The following NAALAD2 variants were observed in gnomAD, a reference collection of about 807,000 sequenced individuals.
NAALAD2 encodes N-acetylated alpha-linked acidic dipeptidase 2.
Under a neutral mutation model 95.6 loss-of-function variants are expected in NAALAD2, and 89 were observed. The ratio of observed to expected loss-of-function variants is 0.93; its 90% CI spans 0.78 to 1.11. The LOEUF is 1.11. NAALAD2 is among the 50% of genes least tolerant of loss of function. The pLI is 0.00. For missense variants in NAALAD2, 894 were observed against 872.4 expected (o/e 1.02, Z -0.31); for synonymous variants, 264 against 294.4 (o/e 0.90, Z 1.06).
intron 14 of NAALAD2, among the ~76,000 whole-genome samples, chr11:90,175,031 G>T (rs956261179): frequency 6.6e-6 from 1 of 151,884 alleles, no homozygotes. Flanking sequence ...TTAGACTTGG[G>T]CCCCATCCCC....
At chr11:90,160,197 A>C (rs1424293254) in intron 8 of NAALAD2, among the ~76,000 whole-genome samples, 6 of 152,196 alleles carry the variant, frequency 3.9e-5, no homozygotes, top group Admixed American at 3.9e-4. Flanking sequence ...TATTGAGCTT[A>C]GTCTTACAGA....
At chr11:90,140,812 T>G (rs1951592610) in intron 2 of NAALAD2, among the ~76,000 whole-genome samples, 1 of 152,152 alleles carries the variant, frequency 6.6e-6, no homozygotes. Context: ...CAATTTTGTC[T>G]TCTTTTTTCC....
At chr11:90,142,437 GTC>G (rs1444137348) in intron 2 of NAALAD2, among the ~76,000 whole-genome samples, 4 of 151,968 alleles carry the variant, frequency 2.6e-5, no homozygotes, top group African/African-American at 9.7e-5. Context: ...ATCTTTTTAA[GTC>G]TATTTTATTT....
chr11:90,167,196 G>A (rs887834229), intron 11 of NAALAD2, among the ~76,000 whole-genome samples: 1 of 152,200 alleles, frequency 6.6e-6, no homozygotes, highest in Non-Finnish European at 1.5e-5. Context: ...TGGAGGGAAG[G>A]AGCGGGCGGG....
intron 14 of NAALAD2, among the ~76,000 whole-genome samples, chr11:90,174,652 T>G (rs1404207531): frequency 6.6e-6 from 1 of 151,996 alleles, no homozygotes; most frequent in African/African-American, 2.4e-5. Context: ...TTAGAATTTA[T>G]ATAAATATTA....
chr11:90,180,894 T>A (rs2134979752), intron 16 of NAALAD2, among the ~76,000 whole-genome samples: 1 of 152,230 alleles, frequency 6.6e-6, no homozygotes, highest in South Asian at 2.1e-4. Context: ...CACATGAAGT[T>A]ATATATAGGC....
chr11:90,134,889 G>T (rs369284742), intron 1 of NAALAD2, 49 bp downstream of exon 1: 1 of 1,596,060 alleles, frequency 6.3e-7, no homozygotes, highest in African/African-American at 1.3e-5. Context: ...GTGATTCTCT[G>T]CAGAGATAAA....
intron 18 of NAALAD2, among the ~76,000 whole-genome samples, chr11:90,184,062 A>G (rs1285713218): frequency 1.3e-5 from 2 of 152,138 alleles, no homozygotes; most frequent in African/African-American, 2.4e-5. Context: ...CAGAAAATCT[A>G]TATTCTAGTT....
chr11:90,137,706 G>A (rs969001435), intron 2 of NAALAD2, among the ~76,000 whole-genome samples: 2 of 151,892 alleles, frequency 1.3e-5, no homozygotes, highest in Admixed American at 1.3e-4. Context: ...TAGGCTCAAG[G>A]GATTCTCCCA....
Position 90,163,400 on chromosome 11 carries a change from C to A in NAALAD2, c.1166C>A (p.Ala389Asp). The A allele has an allele frequency of 6.2e-7, 1 of 1,614,018 alleles. No homozygotes were observed. Among genetic ancestry groups the A allele is most frequent in the Non-Finnish European group, 8.5e-7 (1 of 1,179,920 alleles). Reference protein sequence around the residue: ...TSGVAVLQEIARSFGKLMSKG... With the variant: ...TSGVAVLQEIDRSFGKLMSKG... ...GGGGTTGCTGTTTTGCAAGAAATTG[C>A]CCGGAGTTTTGGAAAACTGATGAGT... The change falls in exon 10 of 19, where the codon GCC (alanine) becomes GAC (aspartate). Residue 389 changes from alanine (A) to aspartate (D), a missense_variant. By Grantham distance (126) the Ala-to-Asp change is moderately radical (BLOSUM62 -2). Coordinates refer to ENST00000534061, the MANE Select transcript of NAALAD2 (RefSeq NM_005467.4).
intron 12 of NAALAD2, chr11:90,169,728 C>A: frequency 3.9e-6 from 1 of 253,204 alleles, no homozygotes; most frequent in Non-Finnish European, 7.6e-6. Context: ...TATACTATTG[C>A]ATAGAATGAA....
intron 18 of NAALAD2, among the ~76,000 whole-genome samples, 165 bp downstream of exon 18, chr11:90,183,173 A>C (rs1857018967): frequency 6.6e-6 from 1 of 152,214 alleles, no homozygotes; most frequent in Non-Finnish European, 1.5e-5. Flanking sequence ...TATTAGAAAA[A>C]TAAATTTCAT....
chr11:90,182,894 T>A, intron 17 of NAALAD2, 22 bp from the exon 18 acceptor site: 1 of 1,512,860 alleles, frequency 6.6e-7, no homozygotes, highest in African/African-American at 1.4e-5. Context: ...GCGTTATAAT[T>A]ATGTATATGT....
upstream of NAALAD2, among the ~76,000 whole-genome samples, chr11:90,134,226 A>T (rs1019355082): frequency 5.9e-5 from 9 of 152,180 alleles, no homozygotes; most frequent in Non-Finnish European, 4.4e-5. Flanking sequence ...ACGCAATCCC[A>T]TCGATTTTGA....
upstream of NAALAD2, among the ~76,000 whole-genome samples, chr11:90,134,360 C>A (rs1236742923): frequency 6.6e-6 from 1 of 152,084 alleles, no homozygotes; most frequent in Admixed American, 6.5e-5. Context: ...GAAGAATAAC[C>A]AATAGATCAG....
At chr11:90,149,523 C>G (rs2134862875) in intron 4 of NAALAD2, among the ~76,000 whole-genome samples, 2 of 152,266 alleles carry the variant, frequency 1.3e-5, no homozygotes, top group African/African-American at 4.8e-5. Flanking sequence ...CAACCTCTGC[C>G]TCCGAGGTTC....
intron 11 of NAALAD2, among the ~76,000 whole-genome samples, chr11:90,166,454 A>T (rs891021340): frequency 1.3e-5 from 2 of 152,212 alleles, no homozygotes; most frequent in African/African-American, 4.8e-5. Flanking sequence ...CTCACTTTTG[A>T]AATGATAAAT....
At chr11:90,181,473 A>G (rs1448006486) in intron 16 of NAALAD2, 147 bp from the exon 17 acceptor site, 5 of 609,858 alleles carry the variant, frequency 8.2e-6, no homozygotes, top group South Asian at 2.0e-5. Context: ...TATATTTTCT[A>G]CTAATTTTCA....
intron 18 of NAALAD2, among the ~76,000 whole-genome samples, chr11:90,188,843 T>C (rs941586986): frequency 2.6e-5 from 4 of 152,216 alleles, no homozygotes; most frequent in African/African-American, 9.6e-5. Flanking sequence ...TCCTCGTTTT[T>C]TCCCTAATGA....
Sources: allele counts gnomAD v4.1 joint callset (sites outside exome capture counted in the v4.1 genomes callset), GRCh38; gene constraint gnomAD v4.1.1; transcripts MANE v1.5; gene names NCBI Gene and HGNC (gene_info 2026-07-23, HGNC 2026-07-21).